Variants in ITPK1 observed in about 807,000 individuals in gnomAD.
ITPK1 encodes the protein inositol 1,3,4-trisphosphate 5/6-kinase.
Under a neutral mutation model 45.3 loss-of-function variants are expected in ITPK1, and 21 were observed. The observed-to-expected ratio is 0.46, with a 90% CI of 0.33 to 0.67. The LOEUF (loss-of-function observed/expected upper bound fraction) is 0.67, where lower values mean the gene tolerates loss of function less well. ITPK1 is among the 30% of genes least tolerant of loss of function. The pLI, the probability that ITPK1 is intolerant of heterozygous loss-of-function variation, is 0.02. For synonymous variants in ITPK1, 258 were observed against 253.6 expected, an observed-to-expected ratio of 1.02 and a Z score of -0.16; for missense variants, 474 against 573.5, an observed-to-expected ratio of 0.83 and a Z score of 1.77.
At chr14:93,096,576 A>G (rs1217538929) in intron 2 of ITPK1, among the ~76,000 whole-genome samples, 1 of 152,252 alleles carries the variant, frequency 6.6e-6, no homozygotes, top group East Asian at 1.9e-4. Context: ...AAGAACAACA[A>G]CAGGAAATCC....
chr14:93,109,510 T>C (rs1892660183), intron 2 of ITPK1, among the ~76,000 whole-genome samples: 1 of 152,194 alleles, frequency 6.6e-6, no homozygotes, highest in African/African-American at 2.4e-5. Context: ...TAGCTAGTAA[T>C]AGTAACAAGA....
chr14:93,073,961 A>G (rs1344515372), intron 3 of ITPK1, among the ~76,000 whole-genome samples: 1 of 152,312 alleles, frequency 6.6e-6, no homozygotes, highest in East Asian at 1.9e-4. Context: ...TGTCCTCTTC[A>G]GTCACCAGCA....
rs190074311 is a variant in ITPK1, at chr14:92,953,767, C to T, written c.671-1754G>A. Among the ~76,000 whole-genome samples the T allele has an allele frequency of 4.5e-3, 690 of 152,354 alleles. 5 individuals carry two copies. Among genetic ancestry groups the T allele is most frequent in the Non-Finnish European group, 6.4e-3 (433 of 68,042 alleles). On this transcript the variant is annotated intron_variant, in intron 8 of 10. Transcript: ENST00000267615. ...TGCCAGGAAGGGCCAGAGCTGGGTA[C>T]TCAGAGGGGCCGGCCAGTGTCTGCT...
rs771380992 is a variant in ITPK1 at position 93,066,330 on chromosome 14, GT to G, written c.120+10264del. 484 of 448,788 alleles carry G rather than the reference GT, an allele frequency of 1.1e-3. 3 individuals carry two copies. Among genetic ancestry groups the G allele is most frequent in the African/African-American group, 3.4e-3 (164 of 47,960 alleles). The allele number at this position is 448,788 out of a possible 1,614,324, so 27.8% of individuals were successfully genotyped here. On this transcript the variant is annotated intron_variant, in intron 3 of 10. Coordinates refer to ENST00000267615, the MANE Select transcript of ITPK1 (RefSeq NM_014216.6). Reference sequence around the variant, plus strand: ...CATGTGTGTGTGTGTATGTGTGTGTGTGTGTGTGTGTAGGGGGCAGAGGCGT... The same window carrying G: ...CATGTGTGTGTGTGTATGTGTGTGTGGTGTGTGTGTAGGGGGCAGAGGCGT...
At chr14:93,059,991 G>GTC in intron 3 of ITPK1, among the ~76,000 whole-genome samples, 1 of 151,938 alleles carries the variant, frequency 6.6e-6, no homozygotes, top group African/African-American at 2.4e-5. Context: ...GCCGTAGAAC[G>GTC]CAGCATTCAA....
At chr14:92,942,939 G>C (rs1323918117) in intron 10 of ITPK1, among the ~76,000 whole-genome samples, 8 of 152,254 alleles carry the variant, frequency 5.3e-5, no homozygotes, top group African/African-American at 1.9e-4. Flanking sequence ...TGGGAATGAA[G>C]GTTCAGACGG....
At chr14:93,022,331 T>C (rs907218595) in intron 3 of ITPK1, among the ~76,000 whole-genome samples, 1 of 152,080 alleles carries the variant, frequency 6.6e-6, no homozygotes, top group African/African-American at 2.4e-5. Context: ...AGAGCATGTG[T>C]GAAAACGGGG....
intron 3 of ITPK1, among the ~76,000 whole-genome samples, chr14:93,025,690 G>A (rs574741353): frequency 6.6e-5 from 10 of 152,252 alleles, no homozygotes; most frequent in South Asian, 2.1e-4. Flanking sequence ...CAATGATTTC[G>A]TTTGGTTTTC....
intron 3 of ITPK1, among the ~76,000 whole-genome samples, chr14:93,037,156 C>T (rs182097435): frequency 5.3e-5 from 8 of 152,294 alleles, no homozygotes; most frequent in African/African-American, 1.7e-4. Context: ...CAGGAAGCCC[C>T]GGAACCACAG....
rs1417321114 is a variant in ITPK1 at position 92,940,312 on chromosome 14, C to T, written c.*1249G>A. ...CTGATGCCTCTCACCCAGCACCCCA[C>T]ATCTTCCAGGACTGCAGAGGCTTCT... On this transcript the variant is annotated 3_prime_UTR_variant, in exon 11 of 11. Transcript: ENST00000267615. 2.0e-6 allele frequency: 2 copies of T among 990,938 alleles called. No individual in the cohort carries two copies. The highest frequency in any genetic ancestry group is 2.4e-6 in the Non-Finnish European group (2 of 833,284). The allele number at this position is 990,938 out of a possible 1,614,324, so 61.4% of individuals were successfully genotyped here.
chr14:93,000,282 G>T (rs1044586332), intron 4 of ITPK1, among the ~76,000 whole-genome samples: 4 of 152,070 alleles, frequency 2.6e-5, no homozygotes, highest in Admixed American at 2.6e-4. Flanking sequence ...AAATACAAAA[G>T]ACCCCAGGAT....
At chr14:93,029,138 T>A (rs1360974871) in intron 3 of ITPK1, among the ~76,000 whole-genome samples, 1 of 152,166 alleles carries the variant, frequency 6.6e-6, no homozygotes, top group Non-Finnish European at 1.5e-5. Context: ...GGCATTTCCA[T>A]AACCACCCTC....
In ITPK1 at chr14:92,939,822, A is replaced by G; in HGVS notation, c.*1739T>C. On this transcript the variant is annotated 3_prime_UTR_variant, in exon 11 of 11. Coordinates refer to ENST00000267615, the MANE Select transcript of ITPK1 (RefSeq NM_014216.6). ...ACGTCTTTTAAGGACTGGGAGTATG[A>G]CATAACAAACTTGAGCAACATGTGT... The G allele has an allele frequency of 1.0e-6, 1 of 985,790 alleles. No homozygotes were observed. The highest frequency in any genetic ancestry group is 1.2e-6 in the Non-Finnish European group (1 of 829,928). The allele number at this position is 985,790 out of a possible 1,614,324, so 61.1% of individuals were successfully genotyped here.
At chr14:92,962,329 C>G in intron 7 of ITPK1, 26 bp downstream of exon 7, 1 of 1,574,560 alleles carries the variant, frequency 6.4e-7, no homozygotes, top group Non-Finnish European at 8.7e-7. Flanking sequence ...GGGTCAGGGA[C>G]AACAGTCAGA....
At chr14:93,007,466 T>G (rs987478466) in intron 4 of ITPK1, among the ~76,000 whole-genome samples, 1 of 151,970 alleles carries the variant, frequency 6.6e-6, no homozygotes, top group Admixed American at 6.5e-5. Flanking sequence ...ATTGCTGGGT[T>G]TGCAAATGTG....
intron 5 of ITPK1, among the ~76,000 whole-genome samples, chr14:92,978,306 A>G (rs914474868): frequency 6.6e-6 from 1 of 151,980 alleles, no homozygotes; most frequent in African/African-American, 2.4e-5. Context: ...CTGCAAAAAC[A>G]AAGAAATGAC....
chr14:92,947,169 C>T (rs935094439), intron 9 of ITPK1, among the ~76,000 whole-genome samples: 2 of 152,246 alleles, frequency 1.3e-5, no homozygotes, highest in African/African-American at 4.8e-5. Flanking sequence ...CCCAGCAGGC[C>T]AGTCTTCCTT....
intron 4 of ITPK1, among the ~76,000 whole-genome samples, chr14:93,015,843 T>C (rs1178620951): frequency 6.6e-6 from 1 of 152,130 alleles, no homozygotes; most frequent in East Asian, 1.9e-4. Context: ...ACCGGGTGAC[T>C]AGGAGGCGGG....
At chr14:93,102,798 C>T (rs756515694) in intron 2 of ITPK1, among the ~76,000 whole-genome samples, 2 of 151,820 alleles carry the variant, frequency 1.3e-5, no homozygotes, top group African/African-American at 4.8e-5. Flanking sequence ...TCTACAACAA[C>T]GGCAAAAAAG....
Sources: gnomAD v4.1 joint callset for allele counts (sites outside exome capture counted in the v4.1 genomes callset) on GRCh38, gnomAD v4.1.1 for gene constraint, MANE v1.5 for transcripts, NCBI Gene and HGNC (gene_info 2026-07-23, HGNC 2026-07-21) for gene names.